Variants in FBXL19 observed in about 807,000 individuals in gnomAD.
The protein encoded by FBXL19 is F-box and leucine rich repeat protein 19, also known as F-box/LRR-repeat protein 19.
Under a neutral mutation model 71.2 loss-of-function variants are expected in FBXL19, and 16 were observed. The observed-to-expected ratio is 0.22, with a 90% confidence interval of 0.15 to 0.34. FBXL19 has a LOEUF of 0.34. Ranked by LOEUF, FBXL19 falls within the 10% of genes least tolerant of loss-of-function variation. The pLI is 1.00. For missense variants in FBXL19, 658 were observed against 968.2 expected (o/e 0.68, Z 4.25); for synonymous variants, 447 against 409.4 (o/e 1.09, Z -1.11).
chr16:30,936,742 G>A (rs898188639), intron 7 of FBXL19, among the ~76,000 whole-genome samples: 7 of 140,538 alleles, frequency 5.0e-5, no homozygotes, highest in Admixed American at 7.3e-5. Context: ...CAGCGCGCCC[G>A]ACCTTTTTTT....
Position 30,927,565 on chromosome 16 carries a change from G to A in FBXL19, c.322-8G>A, listed in dbSNP as rs570318785. The A allele has an allele frequency of 1.9e-6, 3 of 1,556,340 alleles. No individual in the cohort carries two copies. Among genetic ancestry groups the A allele is most frequent in the East Asian group, 4.8e-5 (2 of 41,244 alleles). ...CCAACCCCCCACTCACTGCCCTCCTGCCTACAGATGGGGAAGGCTGAGGGT... is the reference window on the plus strand; with the variant it reads ...CCAACCCCCCACTCACTGCCCTCCTACCTACAGATGGGGAAGGCTGAGGGT... On this transcript the variant is annotated splice_region_variant and splice_polypyrimidine_tract_variant and intron_variant, in intron 3 of 10. Coordinates refer to ENST00000338343, the MANE Select transcript of FBXL19 (RefSeq NM_001382779.1).
rs540782150 is a variant in FBXL19 at position 30,946,745 on chromosome 16, G to C, written c.1643G>C (p.Arg548Pro). 1.9e-6 allele frequency: 3 copies of C among 1,612,990 alleles called. No individual in the cohort carries two copies. The highest frequency in any genetic ancestry group is 1.7e-6 in the Non-Finnish European group (2 of 1,179,692). ...GGCTGCCCAGGGCAAACAGAGAGCC[G>C]TGGTCGGCTGCAGGGGGTGGCAGAA... ...PDTKPGQTES[R>P]GRLQGVAELR... is the part of the protein sequence containing the mutation. Residue 548 changes from arginine (R) to proline (P), a missense_variant, in exon 10 of 11, where the codon CGT (arginine) becomes CCT (proline). This residue lies in a region of FBXL19 where 25 missense variants were observed against 25.0 expected (regional missense o/e 1.00). Transcript: ENST00000338343. This position sits in a 1 kb window ranked among gnomAD's most constrained non-coding sequence, Gnocchi z 6.7.
In FBXL19 at chr16:30,930,719, G is replaced by A. The variant is rs144994206; in HGVS notation, c.1301+135G>A. On this transcript the variant is annotated intron_variant, in intron 7 of 10. Transcript: ENST00000338343. This position sits in a 1 kb window ranked among gnomAD's most constrained non-coding sequence, Gnocchi z 8.5. ...ACTTCTCTAGTATGCACAGATTACA[G>A]TGCATCCTTCCGTATTTCCCGTGTG... is the stretch of plus-strand genomic sequence containing the variant. The A allele has an allele frequency of 3.2e-3, 3,016 of 949,328 alleles. 14 individuals are homozygous for A. The highest frequency in any genetic ancestry group is 3.8e-3 in the Admixed American group (94 of 24,982). The allele number at this position is 949,328 out of a possible 1,614,324, so 58.8% of individuals were successfully genotyped here.
At position 30,927,969 on chromosome 16, in the gene FBXL19, C is replaced by G. The variant is rs759905521; in HGVS notation, c.627+6C>G. ...CTCCCACCCCAAGGAAAAAGGTGAGCCACGGAGCACGCTCACTAGGCTTGT... is the reference window on the plus strand; with the variant it reads ...CTCCCACCCCAAGGAAAAAGGTGAGGCACGGAGCACGCTCACTAGGCTTGT... On this transcript the variant is annotated splice_donor_region_variant and intron_variant, in intron 5 of 10. Transcript: ENST00000338343. 1.7e-5 allele frequency: 25 copies of G among 1,488,368 alleles called. No individual in the cohort carries two copies. Among genetic ancestry groups the G allele is most frequent in the Admixed American group, 2.5e-5 (1 of 39,662 alleles). 92.2% of individuals were successfully genotyped at this position (1,488,368 alleles called of 1,614,324 possible).
upstream of FBXL19, chr16:30,923,091 A>G (rs773152921): frequency 1.8e-4 from 84 of 455,900 alleles, no homozygotes; most frequent in Admixed American, 1.6e-3. Flanking sequence ...TCACCTTTCC[A>G]TTGTTCCTGA....
rs761103868 is a variant in FBXL19, at chr16:30,944,169, C to CTTT, written c.1627+1658_1627+1660dup. On this transcript the variant is annotated intron_variant, in intron 9 of 10. Transcript: ENST00000338343. ...TTATCAGGAGCTCAGGAAGGTGGGC[C>CTTT]TTTTTTTTTTTTTTTTTTTTTTTTT... Among the ~76,000 whole-genome samples the CTTT allele has an allele frequency of 1.1e-4, 7 of 62,938 alleles. No individual in the cohort carries two copies. In the East Asian group the frequency reaches 3.0e-3, roughly 27 times the overall value. The allele number at this position is 62,938 out of a possible 152,430, so 41.3% of individuals were successfully genotyped here. A position where few individuals can be genotyped will look rare whatever the true frequency, so the allele number is the denominator to read the frequency against.
intron 1 of FBXL19, 99 bp downstream of exon 1, chr16:30,924,558 C>T: frequency 7.5e-7 from 1 of 1,328,106 alleles, no homozygotes; most frequent in South Asian, 2.0e-5. Flanking sequence ...CCCCCAGCCT[C>T]ACCCTCTCTC....
At chr16:30,932,839 C>CTTTTTT (rs1188274971) in intron 7 of FBXL19, among the ~76,000 whole-genome samples, 1 of 130,480 alleles carries the variant, frequency 7.7e-6, no homozygotes, top group African/African-American at 3.0e-5. Context: ...GCAATGATAA[C>CTTTTTT]TTTTTTTTTT....
chr16:30,934,261 A>T (rs2055707367), intron 7 of FBXL19, among the ~76,000 whole-genome samples: 1 of 151,348 alleles, frequency 6.6e-6, no homozygotes, highest in African/African-American at 2.4e-5. Flanking sequence ...TACTTGGGAG[A>T]CTGGGACAGG....
Position 30,942,050 on chromosome 16 carries a change from G to C in FBXL19, c.1302-66G>C. On this transcript the variant is annotated intron_variant, in intron 7 of 10. Transcript: ENST00000338343. The surrounding 1 kb of genome is among the most constrained non-coding windows in gnomAD (Gnocchi z 5.7). ...TGGGGTGCACCCTTGGAGCTGGGGA[G>C]CCTGGGAACTGTGGGCTGCTGAGAG... 6.9e-7 allele frequency: 1 copy of C among 1,448,540 alleles called. No homozygotes were observed. The highest frequency in any genetic ancestry group is 9.1e-7 in the Non-Finnish European group (1 of 1,094,752). The allele number at this position is 1,448,540 out of a possible 1,614,324, so 89.7% of individuals were successfully genotyped here. A position where few individuals can be genotyped will look rare whatever the true frequency, so the allele number is the denominator to read the frequency against.
chr16:30,929,703 G>T (rs1596651083), intron 6 of FBXL19, among the ~76,000 whole-genome samples: 1 of 152,254 alleles, frequency 6.6e-6, no homozygotes, highest in African/African-American at 2.4e-5. Flanking sequence ...CTACAGGCTT[G>T]TGCCACCATG....
intron 5 of FBXL19, 57 bp downstream of exon 5, chr16:30,928,020 C>T: frequency 1.6e-6 from 2 of 1,236,166 alleles, no homozygotes; most frequent in Non-Finnish European, 2.2e-6. Flanking sequence ...GAGCTGTAGT[C>T]CTGGCTGGTT....
At chr16:30,931,767 CCCA>C (rs2143334713) in intron 7 of FBXL19, among the ~76,000 whole-genome samples, 1 of 152,064 alleles carries the variant, frequency 6.6e-6, no homozygotes, top group African/African-American at 2.4e-5. Context: ...CACTCTGTGG[CCCA>C]GGTTAGAGTG....
At position 30,942,067 on chromosome 16, in the gene FBXL19, TGCTGAGA is replaced by T; in HGVS notation, c.1302-42_1302-36del. The T allele has an allele frequency of 2.0e-6, 3 of 1,476,248 alleles. No homozygotes were observed. The highest frequency in any genetic ancestry group is 2.7e-6 in the Non-Finnish European group (3 of 1,109,250). 91.4% of individuals were successfully genotyped at this position (1,476,248 alleles called of 1,614,324 possible). Reference sequence around the variant, plus strand: ...GCTGGGGAGCCTGGGAACTGTGGGCTGCTGAGAGCTGAGGGCTGAGGTCTCTGTCTCC... The same window carrying T: ...GCTGGGGAGCCTGGGAACTGTGGGCTGCTGAGGGCTGAGGTCTCTGTCTCC... On this transcript the variant is annotated intron_variant, in intron 7 of 10. Coordinates refer to ENST00000338343, the MANE Select transcript of FBXL19 (RefSeq NM_001382779.1). The surrounding 1 kb of genome is among the most constrained non-coding windows in gnomAD (Gnocchi z 5.7).
rs1187881154 is a variant in FBXL19, at chr16:30,925,669, C to T, written c.-24-62C>T. ...GCTGCCTGTAGGTGGAGGGACCTGT[C>T]AGGGGTCTCCCAGGCCAGGGCCCCA... On this transcript the variant is annotated intron_variant, in intron 1 of 10. Transcript: ENST00000338343. The surrounding 1 kb of genome is among the most constrained non-coding windows in gnomAD (Gnocchi z 5.0). 2.3e-5 allele frequency: 33 copies of T among 1,426,636 alleles called. No individual in the cohort carries two copies. The highest frequency in any genetic ancestry group is 9.1e-6 in the Non-Finnish European group (10 of 1,100,726). The allele number at this position is 1,426,636 out of a possible 1,614,324, so 88.4% of individuals were successfully genotyped here. A position where few individuals can be genotyped will look rare whatever the true frequency, so the allele number is the denominator to read the frequency against.
chr16:30,924,433 A>C lies in FBXL19; in HGVS notation c.-51A>C. On this transcript the variant is annotated 5_prime_UTR_variant, in exon 1 of 11. Coordinates refer to ENST00000338343, the MANE Select transcript of FBXL19 (RefSeq NM_001382779.1). ...ACCCGCCGGGAGCTGCCGAGAAGGGAGAGATGGCTCCCGGGACACGTGTGA... is the reference window on the plus strand; with the variant it reads ...ACCCGCCGGGAGCTGCCGAGAAGGGCGAGATGGCTCCCGGGACACGTGTGA... 10 of 285,556 alleles carry C rather than the reference A, an allele frequency of 3.5e-5. No individual in the cohort carries two copies. The highest frequency in any genetic ancestry group is 5.9e-5 in the East Asian group (1 of 16,930). 17.7% of individuals were successfully genotyped at this position (285,556 alleles called of 1,614,324 possible). A position where few individuals can be genotyped will look rare whatever the true frequency, so the allele number is the denominator to read the frequency against.
In FBXL19 at chr16:30,925,056, C is replaced by A. The variant is rs1037828749; in HGVS notation, c.-25+597C>A. Among the ~76,000 whole-genome samples, 2 of 152,168 alleles carry A rather than the reference C, an allele frequency of 1.3e-5. No individual in the cohort carries two copies. The highest frequency in any genetic ancestry group is 2.1e-4 in the South Asian group (1 of 4,830). On this transcript the variant is annotated intron_variant, in intron 1 of 10. Coordinates refer to ENST00000338343, the MANE Select transcript of FBXL19 (RefSeq NM_001382779.1). The surrounding 1 kb of genome is among the most constrained non-coding windows in gnomAD (Gnocchi z 5.0). ...TGTGGGGAACAAGAGGGGCTGAGAT[C>A]TTGGGCTGAGAAGGGTCTCTGAAGA...
At chr16:30,938,571 A>G (rs2055763399) in intron 7 of FBXL19, among the ~76,000 whole-genome samples, 1 of 152,130 alleles carries the variant, frequency 6.6e-6, no homozygotes, top group African/African-American at 2.4e-5. Context: ...ACACAAAAAT[A>G]TGGCTTAATC....
rs1391639557 is a variant in FBXL19, at chr16:30,948,582, G to A, written c.*1352G>A. ...CACATACCTCAGGTAACAGGGAGGT[G>A]CGCGGGTGGGGGGAGGGCTGGGCGG... On this transcript the variant is annotated 3_prime_UTR_variant, in exon 11 of 11. Coordinates refer to ENST00000338343, the MANE Select transcript of FBXL19 (RefSeq NM_001382779.1). 6.0e-5 allele frequency: 9 copies of A among 150,906 alleles called. No homozygotes were observed. The highest frequency in any genetic ancestry group is 2.2e-4 in the African/African-American group (9 of 40,984). The allele number at this position is 150,906 out of a possible 1,614,324, so 9.3% of individuals were successfully genotyped here.
Sources: allele counts gnomAD v4.1 joint callset (sites outside exome capture counted in the v4.1 genomes callset), GRCh38; gene constraint gnomAD v4.1.1; regional missense constraint gnomAD v4.1.1; non-coding constraint Gnocchi (gnomAD v3.1); transcripts MANE v1.5; gene names NCBI Gene and HGNC (gene_info 2026-07-23, HGNC 2026-07-21).